BRD4: variants seen among roughly 807,000 people sequenced by gnomAD.
BRD4 encodes bromodomain-containing protein 4.
BRD4 carries 16 observed loss-of-function variants against 142.1 expected under a neutral mutation model. The ratio of observed to expected loss-of-function variants is 0.11; its 90% CI spans 0.08 to 0.17. The LOEUF (loss-of-function observed/expected upper bound fraction) is 0.17, where lower values mean the gene tolerates loss of function less well. BRD4 is among the 10% of genes least tolerant of loss of function. The pLI, the probability that BRD4 is intolerant of heterozygous loss-of-function variation, is 1.00. For synonymous variants in BRD4, 833 were observed against 707.5 expected (o/e 1.18, Z -2.82); for missense variants, 1,424 against 1,810.9 (o/e 0.79, Z 3.88).
intron 11 of BRD4, chr19:15,253,611 T>C (rs1327749070): frequency 3.8e-6 from 6 of 1,594,704 alleles, no homozygotes; most frequent in Non-Finnish European, 5.1e-6. Context: ...AGGCAATGGC[T>C]GGGGCCCAGG....
rs199991858 is a variant in BRD4 at position 15,242,886 on chromosome 19, T to G, written c.3169+14A>C. On this transcript the variant is annotated intron_variant, in intron 14 of 19. Coordinates refer to ENST00000679869, the MANE Select transcript of BRD4 (RefSeq NM_001379291.1). ...CACCAGCCTCCCCAGAGTCTACGGG[T>G]GAGGACCACTTACCGGTTGAGTAGG... 6.3e-7 allele frequency: 1 copy of G among 1,599,340 alleles called. No individual in the cohort carries two copies. The highest frequency in any genetic ancestry group is 8.5e-7 in the Non-Finnish European group (1 of 1,173,614).
chr19:15,247,761 C>T (rs540044839), intron 11 of BRD4: 5 of 232,982 alleles, frequency 2.1e-5, no homozygotes, highest in South Asian at 3.6e-4. Flanking sequence ...ACACATCAGG[C>T]GCAGGCCAAA....
intron 1 of BRD4, among the ~76,000 whole-genome samples, chr19:15,294,012 G>A (rs546430502): frequency 3.9e-5 from 6 of 152,300 alleles, no homozygotes; most frequent in East Asian, 1.9e-4. Flanking sequence ...CCTGGCATAC[G>A]ATTCCCTGGA....
At chr19:15,312,625 T>C (rs1472706568) in intron 1 of BRD4, among the ~76,000 whole-genome samples, 2 of 147,614 alleles carry the variant, frequency 1.4e-5, no homozygotes, top group Non-Finnish European at 3.0e-5. Context: ...GGAGTGAAAA[T>C]CCGTCAAATC....
intron 1 of BRD4, among the ~76,000 whole-genome samples, chr19:15,302,254 C>T (rs2047875078): frequency 6.6e-6 from 1 of 152,152 alleles, no homozygotes; most frequent in Non-Finnish European, 1.5e-5. Flanking sequence ...CCCTTTAGAC[C>T]TGGTACAGAG....
At position 15,332,376 on chromosome 19, in the gene BRD4, C is replaced by A. The variant is rs965263269; in HGVS notation, c.-121G>T. 6.8e-6 allele frequency: 1 copy of A among 146,668 alleles called. No individual in the cohort carries two copies. The highest frequency in any genetic ancestry group is 2.5e-5 in the African/African-American group (1 of 40,666). The allele number at this position is 146,668 out of a possible 1,614,324, so 9.1% of individuals were successfully genotyped here. A position where few individuals can be genotyped will look rare whatever the true frequency, so the allele number is the denominator to read the frequency against. The stretch of plus-strand genomic sequence containing the variant: ...CCGAGCTGCCTGCGCGGCGCCGGGG[C>A]CCGCCCGCCGCTCTGCCGAGCTCAC... On this transcript the variant is annotated 5_prime_UTR_variant, in exon 1 of 20. Coordinates refer to ENST00000679869, the MANE Select transcript of BRD4 (RefSeq NM_001379291.1).
At chr19:15,284,296 G>T (rs1451004745) in intron 1 of BRD4, among the ~76,000 whole-genome samples, 1 of 152,102 alleles carries the variant, frequency 6.6e-6, no homozygotes, top group Non-Finnish European at 1.5e-5. Flanking sequence ...CACTTTTCTT[G>T]AAGAAAAGGG....
At chr19:15,307,544 T>A (rs1477575967) in intron 1 of BRD4, among the ~76,000 whole-genome samples, 1 of 152,106 alleles carries the variant, frequency 6.6e-6, no homozygotes, top group Non-Finnish European at 1.5e-5. Context: ...ATAAAACACA[T>A]CAGAGGTACA....
chr19:15,298,482 A>C (rs1298263191), intron 1 of BRD4, among the ~76,000 whole-genome samples: 1 of 151,920 alleles, frequency 6.6e-6, no homozygotes, highest in African/African-American at 2.4e-5. Flanking sequence ...TTAGCCCGGC[A>C]CGGTGGCAGG....
intron 1 of BRD4, among the ~76,000 whole-genome samples, chr19:15,294,441 T>C (rs1408259806): frequency 5.3e-5 from 8 of 152,262 alleles, no homozygotes; most frequent in African/African-American, 2.4e-5. Flanking sequence ...AAGAGGAATG[T>C]TGGTATGTGA....
chr19:15,272,982 C>T lies in BRD4; in HGVS notation c.118G>A (p.Ala40Thr), dbSNP rs768982122. The change falls in exon 2 of 20, where the codon GCA becomes ACA. Residue 40 changes from alanine to threonine, a missense_variant. Coordinates refer to ENST00000679869, the MANE Select transcript of BRD4 (RefSeq NM_001379291.1). ...QAQAQPQPAN[A>T]ASTNPPPPET... ...GGGGGCGGGGGGTTGGTGCTGGCTG[C>T]GTTGGCTGGCTGGGGTTGGGCCTGG... 1.3e-5 allele frequency: 21 copies of T among 1,613,942 alleles called. No individual in the cohort carries two copies. Among genetic ancestry groups the T allele is most frequent in the Non-Finnish European group, 1.7e-5 (20 of 1,180,020 alleles).
chr19:15,299,851 G>C (rs192600628), intron 1 of BRD4, among the ~76,000 whole-genome samples: 14 of 152,276 alleles, frequency 9.2e-5, no homozygotes, highest in African/African-American at 3.4e-4. Flanking sequence ...GCCTGTTAAG[G>C]TTCACGAGGA....
Position 15,265,594 on chromosome 19 carries a change from CGAT to C in BRD4, c.606_608del (p.Ser203del). On this transcript the variant is annotated inframe_deletion, in exon 5 of 20. Transcript: ENST00000679869. ...GAGGGGTCTGGGTCTGCGGAGGAGTCGATGCTTGAGTTGTGTTTGGTACCGTGG... is the reference window on the plus strand; with the variant it reads ...GAGGGGTCTGGGTCTGCGGAGGAGTCGCTTGAGTTGTGTTTGGTACCGTGG... 1 of 1,613,994 alleles carries C rather than the reference CGAT, an allele frequency of 6.2e-7. No individual in the cohort carries two copies. Among genetic ancestry groups the C allele is most frequent in the African/African-American group, 1.3e-5 (1 of 74,958 alleles).
chr19:15,287,344 G>A (rs1215682092), intron 1 of BRD4, among the ~76,000 whole-genome samples: 2 of 151,744 alleles, frequency 1.3e-5, no homozygotes, highest in African/African-American at 4.8e-5. Context: ...TTACTGTATA[G>A]TTTGGTGACA....
chr19:15,251,345 G>A (rs921762602), intron 11 of BRD4, among the ~76,000 whole-genome samples: 1 of 150,196 alleles, frequency 6.7e-6, no homozygotes, highest in East Asian at 2.0e-4. Context: ...TCATGTCTCA[G>A]GGCCGTTGTC....
Position 15,253,324 on chromosome 19 carries a change from GAAT to G in BRD4, c.2158+825_2158+827del, listed in dbSNP as rs527401058. 6.0e-4 allele frequency: 346 copies of G among 577,418 alleles called. No individual in the cohort carries two copies. The highest frequency in any genetic ancestry group is 1.1e-3 in the Admixed American group (33 of 30,542). The allele number at this position is 577,418 out of a possible 1,614,324, so 35.8% of individuals were successfully genotyped here. A position where few individuals can be genotyped will look rare whatever the true frequency, so the allele number is the denominator to read the frequency against. ...CCAGCCTGAGCATCTGCGCCCCTGA[GAAT>G]AATGAGGAAAGTGCACACTTGGAGG... is the stretch of plus-strand genomic sequence containing the variant. On this transcript the variant is annotated intron_variant, in intron 11 of 19. Transcript: ENST00000679869.
At chr19:15,313,085 A>G (rs115436924) in intron 1 of BRD4, among the ~76,000 whole-genome samples, 1,753 of 152,006 alleles carry the variant, frequency 0.012, 26 homozygotes, top group African/African-American at 0.038. Context: ...AAAAGTGTGA[A>G]TTGTGGCCGG....
chr19:15,255,169 G>T, intron 10 of BRD4, 128 bp downstream of exon 10: 2 of 933,108 alleles, frequency 2.1e-6, no homozygotes, highest in Non-Finnish European at 3.1e-6. Flanking sequence ...TCTGTGTCAA[G>T]AACACAGATA....
chr19:15,274,512 G>C (rs1385737749), intron 1 of BRD4, among the ~76,000 whole-genome samples: 1 of 152,228 alleles, frequency 6.6e-6, no homozygotes, highest in Non-Finnish European at 1.5e-5. Flanking sequence ...GAAACATATA[G>C]CTGATGCTGC....
Sources: gnomAD v4.1 joint callset for allele counts (sites outside exome capture counted in the v4.1 genomes callset) on GRCh38, gnomAD v4.1.1 for gene constraint, MANE v1.5 for transcripts, NCBI Gene and HGNC (gene_info 2026-07-23, HGNC 2026-07-21) for gene names.